Variants in ADAMTS6 observed in about 807,000 individuals in gnomAD.
The protein encoded by ADAMTS6 is A disintegrin and metalloproteinase with thrombospondin motifs 6.
ADAMTS6 carries 23 observed loss-of-function variants against 144.3 expected under a neutral mutation model. The ratio of observed to expected loss-of-function variants is 0.16; its 90% confidence interval spans 0.11 to 0.23. The LOEUF (loss-of-function observed/expected upper bound fraction) is 0.23, where lower values mean the gene tolerates loss of function less well. Ranked by LOEUF, ADAMTS6 falls within the 10% of genes least tolerant of loss-of-function variation. The pLI is 1.00. For synonymous variants in ADAMTS6, 444 were observed against 457.5 expected, an observed-to-expected ratio of 0.97 and a Z score of 0.38; for missense variants, 999 against 1,379.6, an observed-to-expected ratio of 0.72 and a Z score of 4.37.
At chr5:65,364,975 A>G (rs1213733596) in intron 7 of ADAMTS6, among the ~76,000 whole-genome samples, 1 of 152,172 alleles carries the variant, frequency 6.6e-6, no homozygotes, top group Non-Finnish European at 1.5e-5. Flanking sequence ...CATCATTTAT[A>G]ACCTAACACC....
At chr5:65,247,686 C>G (rs892189023) in intron 14 of ADAMTS6, among the ~76,000 whole-genome samples, 1 of 152,072 alleles carries the variant, frequency 6.6e-6, no homozygotes, top group Non-Finnish European at 1.5e-5. Flanking sequence ...TCCTCTCCTC[C>G]TCTAAAGGAA....
chr5:65,299,637 C>T (rs1440098321), intron 10 of ADAMTS6, among the ~76,000 whole-genome samples: 1 of 151,520 alleles, frequency 6.6e-6, no homozygotes, highest in African/African-American at 2.4e-5. Context: ...TCAGTTTTTT[C>T]ACTGACAAAA....
At chr5:65,364,667 T>C (rs938660309) in intron 7 of ADAMTS6, among the ~76,000 whole-genome samples, 1 of 150,514 alleles carries the variant, frequency 6.6e-6, no homozygotes, top group Non-Finnish European at 1.5e-5. Flanking sequence ...CCTGGGTTCA[T>C]GCCATTCTTC....
At chr5:65,273,590 G>A (rs1227683378) in intron 11 of ADAMTS6, 143 bp from the exon 12 acceptor site, 2 of 564,886 alleles carry the variant, frequency 3.5e-6, no homozygotes, top group Non-Finnish European at 6.3e-6. Flanking sequence ...GAGGATTTTG[G>A]AGGAGGTTTT....
chr5:65,302,286 T>C (rs961592859), intron 9 of ADAMTS6, among the ~76,000 whole-genome samples: 4 of 144,464 alleles, frequency 2.8e-5, no homozygotes, highest in South Asian at 2.1e-4. Context: ...ATATATAAAA[T>C]ATTAATATAT....
chr5:65,242,130 T>C lies in ADAMTS6; in HGVS notation c.1907A>G (p.Tyr636Cys). ...TCCAGTATAGGGTTTCCAGTTATAA[T>C]ACTTTCCTCGGAAAGGCATATTGTC... ...DFDNMPFRGKYYNWKPYTGGG... is the reference protein window; with the variant it reads ...DFDNMPFRGKCYNWKPYTGGG... The change falls in exon 15 of 25, where the codon TAT (tyrosine) becomes TGT (cysteine). Residue 636 changes from tyrosine to cysteine, a missense_variant. Transcript: ENST00000381055. 1 of 1,603,592 alleles carries C rather than the reference T, an allele frequency of 6.2e-7. No homozygotes were observed. Among genetic ancestry groups the C allele is most frequent in the Non-Finnish European group, 8.5e-7 (1 of 1,173,294 alleles).
intron 4 of ADAMTS6, among the ~76,000 whole-genome samples, chr5:65,454,951 C>T (rs978689956): frequency 6.6e-6 from 1 of 152,172 alleles, no homozygotes; most frequent in Admixed American, 6.5e-5. Flanking sequence ...ACTGAGTAAG[C>T]CACTAGGTTT....
chr5:65,432,517 C>T (rs1027041031), intron 7 of ADAMTS6, among the ~76,000 whole-genome samples: 7 of 151,920 alleles, frequency 4.6e-5, no homozygotes, highest in African/African-American at 1.7e-4. Context: ...TACATTAGCA[C>T]TTAATCACAC....
intron 20 of ADAMTS6, among the ~76,000 whole-genome samples, 162 bp from the exon 21 acceptor site, chr5:65,197,313 T>C (rs1372356917): frequency 1.3e-5 from 2 of 152,212 alleles, no homozygotes; most frequent in African/African-American, 4.8e-5. Context: ...ACCTGGTCAT[T>C]ATACTGAAAT....
intron 1 of ADAMTS6, among the ~76,000 whole-genome samples, chr5:65,474,726 C>T (rs1478881761): frequency 2.7e-5 from 4 of 149,132 alleles, no homozygotes; most frequent in Admixed American, 6.7e-5. Context: ...CTGGTTTCCC[C>T]GCATACAGCA....
intron 12 of ADAMTS6, among the ~76,000 whole-genome samples, chr5:65,270,618 A>T (rs1195759352): frequency 6.6e-6 from 1 of 151,910 alleles, no homozygotes; most frequent in Non-Finnish European, 1.5e-5. Flanking sequence ...TCATTTATTC[A>T]TTCTTTTTAA....
chr5:65,421,317 A>G (rs1756020746), intron 7 of ADAMTS6, among the ~76,000 whole-genome samples: 1 of 152,162 alleles, frequency 6.6e-6, no homozygotes, highest in South Asian at 2.1e-4. Flanking sequence ...TTTCTCCTTC[A>G]TTTATGAAAC....
chr5:65,395,501 A>G (rs894456241), intron 7 of ADAMTS6, among the ~76,000 whole-genome samples: 5 of 152,224 alleles, frequency 3.3e-5, no homozygotes, highest in Admixed American at 3.3e-4. Context: ...GTGAGCTCCA[A>G]GATACTGCTT....
chr5:65,304,517 C>T (rs948699848), intron 9 of ADAMTS6, among the ~76,000 whole-genome samples: 14 of 152,106 alleles, frequency 9.2e-5, no homozygotes, highest in Admixed American at 5.9e-4. Flanking sequence ...ACTGCAGCCT[C>T]GACCTCCTGT....
At chr5:65,371,287 C>T (rs941649516) in intron 7 of ADAMTS6, among the ~76,000 whole-genome samples, 2 of 152,178 alleles carry the variant, frequency 1.3e-5, no homozygotes, top group African/African-American at 2.4e-5. Flanking sequence ...CTTTGACGAG[C>T]TGAGAGAAGA....
chr5:65,223,709 T>C (rs778657320), intron 18 of ADAMTS6, among the ~76,000 whole-genome samples: 2 of 152,234 alleles, frequency 1.3e-5, no homozygotes, highest in Non-Finnish European at 2.9e-5. Flanking sequence ...TCCATTCATC[T>C]GTTGACAGAC....
intron 7 of ADAMTS6, among the ~76,000 whole-genome samples, chr5:65,370,880 C>T (rs908952825): frequency 6.6e-6 from 1 of 152,218 alleles, no homozygotes; most frequent in Non-Finnish European, 1.5e-5. Flanking sequence ...CCCTGTCTGA[C>T]AGCTTTGAAG....
intron 18 of ADAMTS6, 81 bp downstream of exon 18, chr5:65,224,239 T>C: frequency 8.8e-7 from 1 of 1,132,170 alleles, no homozygotes; most frequent in South Asian, 1.2e-5. Context: ...CAAAGAAGCA[T>C]GCCTTTTCCT....
chr5:65,404,080 T>A (rs1754199579), intron 7 of ADAMTS6, among the ~76,000 whole-genome samples: 1 of 152,156 alleles, frequency 6.6e-6, no homozygotes, highest in South Asian at 2.1e-4. Flanking sequence ...AAAACTCCAA[T>A]AAACCATGAC....
Sources: gnomAD v4.1 joint callset for allele counts (sites outside exome capture counted in the v4.1 genomes callset) on GRCh38, gnomAD v4.1.1 for gene constraint, MANE v1.5 for transcripts, NCBI Gene and HGNC (gene_info 2026-07-23, HGNC 2026-07-21) for gene names.